Variants in TSGA10 observed in about 807,000 individuals in gnomAD.
The protein encoded by TSGA10 is testis specific 10, also known as testis-specific gene 10 protein.
A neutral mutation model predicts 96.6 loss-of-function variants in TSGA10; 43 were observed. The ratio of observed to expected loss-of-function variants is 0.44; its 90% CI spans 0.35 to 0.57. The LOEUF is 0.57. Ranked by LOEUF, TSGA10 falls within the 20% of genes least tolerant of loss-of-function variation. TSGA10 has a pLI of 0.01. For missense variants in TSGA10, 703 were observed against 834.4 expected (o/e 0.84, Z 1.94); for synonymous variants, 229 against 269.9 (o/e 0.85, Z 1.48).
At chr2:99,105,228 T>C in intron 9 of TSGA10, 131 bp downstream of exon 9, 1 of 674,256 alleles carries the variant, frequency 1.5e-6, no homozygotes, top group Admixed American at 3.2e-5. Flanking sequence ...ATAAAATACC[T>C]TAAGTATTTT....
In TSGA10 at chr2:99,073,066, G is replaced by T; in HGVS notation, c.890C>A (p.Thr297Asn). The T allele has an allele frequency of 6.3e-7, 1 of 1,595,114 alleles. No homozygotes were observed. The highest frequency in any genetic ancestry group is 8.6e-7 in the Non-Finnish European group (1 of 1,166,406). The change falls in exon 13 of 21, where the codon ACC (threonine) becomes AAC (asparagine). Residue 297 changes from threonine (T) to asparagine (N), a missense_variant. Physicochemically the swap from Thr to Asn is moderately conservative, Grantham distance 65. Coordinates refer to ENST00000393483, the MANE Select transcript of TSGA10 (RefSeq NM_025244.4). ...AATGATATTCTTCATGCCTGAAATG[G>T]TCTTTTCCTTGAAAAATAATATAAG... The part of the protein sequence containing the change: ...LGESLAMKEK[T>N]ISGMKNIIAE...
chr2:99,045,532 C>T (rs1401620625), intron 16 of TSGA10, among the ~76,000 whole-genome samples: 2 of 152,138 alleles, frequency 1.3e-5, no homozygotes, highest in African/African-American at 2.4e-5. Flanking sequence ...CAAGCAAATG[C>T]TGAGAGATTT....
chr2:99,124,277 T>C (rs1307775317), intron 2 of TSGA10, among the ~76,000 whole-genome samples: 1 of 152,240 alleles, frequency 6.6e-6, no homozygotes, highest in African/African-American at 2.4e-5. Flanking sequence ...TTTGGAGAAA[T>C]GTCTGTTCAA....
At chr2:99,008,572 T>A (rs1321061934) in intron 20 of TSGA10, among the ~76,000 whole-genome samples, 1 of 152,180 alleles carries the variant, frequency 6.6e-6, no homozygotes, top group Non-Finnish European at 1.5e-5. Flanking sequence ...GAAACAGTAC[T>A]TTCACACATT....
At chr2:99,072,553 A>G (rs1379757581) in intron 13 of TSGA10, among the ~76,000 whole-genome samples, 2 of 152,156 alleles carry the variant, frequency 1.3e-5, no homozygotes, top group Non-Finnish European at 2.9e-5. Flanking sequence ...TCTGTCCCAC[A>G]ACTCCTAAAC....
intron 16 of TSGA10, among the ~76,000 whole-genome samples, chr2:99,049,219 C>T (rs2104332455): frequency 6.6e-6 from 1 of 152,254 alleles, no homozygotes; most frequent in Admixed American, 6.5e-5. Flanking sequence ...ACCCAGCAAT[C>T]CCATTAATGG....
chr2:99,115,194 A>G (rs1168338150), intron 4 of TSGA10, among the ~76,000 whole-genome samples: 1 of 152,128 alleles, frequency 6.6e-6, no homozygotes, highest in Non-Finnish European at 1.5e-5. Context: ...CGGCCTCCCA[A>G]AGTGCTGGGA....
At chr2:99,017,013 T>C (rs1014823897) in intron 20 of TSGA10, among the ~76,000 whole-genome samples, 1 of 152,144 alleles carries the variant, frequency 6.6e-6, no homozygotes, top group African/African-American at 2.4e-5. Context: ...GATGTTGGCA[T>C]AGATGTGGTG....
At chr2:99,122,688 G>A (rs933678159) in intron 2 of TSGA10, among the ~76,000 whole-genome samples, 20 of 150,266 alleles carry the variant, frequency 1.3e-4, no homozygotes, top group Admixed American at 2.0e-4. Flanking sequence ...TTACTTGAAC[G>A]GCTGAGGTAG....
chr2:99,045,879 G>A (rs1046545663), intron 16 of TSGA10, among the ~76,000 whole-genome samples: 7 of 151,706 alleles, frequency 4.6e-5, no homozygotes, highest in Middle Eastern at 3.2e-3. Flanking sequence ...ATAAACGGAC[G>A]GAGGAGGAGC....
chr2:99,026,705 G>A (rs1391290857), intron 17 of TSGA10, among the ~76,000 whole-genome samples: 1 of 152,044 alleles, frequency 6.6e-6, no homozygotes, highest in Non-Finnish European at 1.5e-5. Context: ...TTATAGGCAT[G>A]AGCCACCACG....
chr2:99,136,953 T>C (rs567231423), intron 1 of TSGA10, among the ~76,000 whole-genome samples: 3 of 151,850 alleles, frequency 2.0e-5, no homozygotes, highest in Admixed American at 6.6e-5. Flanking sequence ...ATTACTTTTA[T>C]GGGATGTCCA....
At chr2:99,027,002 T>C (rs2080657520) in intron 17 of TSGA10, among the ~76,000 whole-genome samples, 1 of 152,212 alleles carries the variant, frequency 6.6e-6, no homozygotes, top group African/African-American at 2.4e-5. Flanking sequence ...GTGTGCAACC[T>C]AGATCCCTTG....
intron 17 of TSGA10, among the ~76,000 whole-genome samples, chr2:99,031,227 A>G (rs2081098504): frequency 1.3e-5 from 2 of 149,406 alleles, no homozygotes; most frequent in Admixed American, 1.4e-4. Context: ...AAATCAATTC[A>G]ATGGCAGAAA....
chr2:99,001,192 T>C (rs1463950165), intron 20 of TSGA10, among the ~76,000 whole-genome samples: 1 of 152,098 alleles, frequency 6.6e-6, no homozygotes, highest in African/African-American at 2.4e-5. Context: ...CCTGACCCCC[T>C]AGTAGCCTAA....
chr2:99,144,542 G>C (rs959447339), intron 1 of TSGA10, among the ~76,000 whole-genome samples: 1 of 151,100 alleles, frequency 6.6e-6, no homozygotes, highest in Admixed American at 6.6e-5. Context: ...CCAGCTACTC[G>C]GGAGGCTGAG....
chr2:99,018,751 T>C lies in TSGA10; in HGVS notation c.1818-111A>G, dbSNP rs375485566. On this transcript the variant is annotated intron_variant, in intron 18 of 20. Transcript: ENST00000393483. Reference sequence around the variant, plus strand: ...GTTTCTCAGCTGGATCCAAATCACATTGTGATTTTTATGGCCAGATTTATT... The same window carrying C: ...GTTTCTCAGCTGGATCCAAATCACACTGTGATTTTTATGGCCAGATTTATT... 8.2e-5 allele frequency: 74 copies of C among 901,448 alleles called. No individual in the cohort carries two copies. The East Asian group carries it at 1.2e-3, about 15-fold the overall frequency. The allele number at this position is 901,448 out of a possible 1,614,324, so 55.8% of individuals were successfully genotyped here. A position where few individuals can be genotyped will look rare whatever the true frequency, so the allele number is the denominator to read the frequency against.
chr2:99,033,480 T>C (rs569929069), intron 17 of TSGA10, among the ~76,000 whole-genome samples: 1 of 152,352 alleles, frequency 6.6e-6, no homozygotes, highest in South Asian at 2.1e-4. Flanking sequence ...CTTACTTGTA[T>C]GACCTATACA....
chr2:99,104,809 A>G (rs930070729), intron 9 of TSGA10, among the ~76,000 whole-genome samples: 2 of 152,222 alleles, frequency 1.3e-5, no homozygotes, highest in Non-Finnish European at 2.9e-5. Context: ...ACAATAAAAC[A>G]GTACAGATGA....
Sources: gnomAD v4.1 joint callset for allele counts (sites outside exome capture counted in the v4.1 genomes callset) on GRCh38, gnomAD v4.1.1 for gene constraint, MANE v1.5 for transcripts, NCBI Gene and HGNC (gene_info 2026-07-23, HGNC 2026-07-21) for gene names.